Variants in SNX24 observed in about 807,000 individuals in gnomAD.
The protein encoded by SNX24 is sorting nexin-24.
Under a neutral mutation model 28.7 loss-of-function variants are expected in SNX24, and 22 were observed. The ratio of observed to expected loss-of-function variants is 0.77; its 90% CI spans 0.55 to 1.10. The LOEUF (loss-of-function observed/expected upper bound fraction) is 1.10. SNX24 is among the 50% of genes least tolerant of loss of function. The pLI, the probability that SNX24 is intolerant of heterozygous loss-of-function variation, is 0.00. For synonymous variants in SNX24, 69 were observed against 71.5 expected (o/e 0.96, Z 0.18); for missense variants, 221 against 201.1 (o/e 1.10, Z -0.60).
At chr5:122,884,446 C>T (rs1355130334) in intron 1 of SNX24, among the ~76,000 whole-genome samples, 5 of 151,760 alleles carry the variant, frequency 3.3e-5, no homozygotes, top group Non-Finnish European at 5.9e-5. Flanking sequence ...GGGGTTTCAC[C>T]ATGCTGGCCA....
rs757227505 is a variant in SNX24 at position 122,951,284 on chromosome 5, A to G, written c.249+5125A>G. Among the ~76,000 whole-genome samples the G allele has an allele frequency of 1.7e-4, 23 of 132,420 alleles. 1 individual carries two copies. Among genetic ancestry groups the G allele is most frequent in the South Asian group, 1.1e-3 (5 of 4,458 alleles). 86.9% of individuals were successfully genotyped at this position (132,420 alleles called of 152,430 possible). On this transcript the variant is annotated intron_variant, in intron 3 of 6. Coordinates refer to ENST00000261369, the MANE Select transcript of SNX24 (RefSeq NM_014035.4). ...TCTGTCTCAAAAAAAAAAAAAAAAG[A>G]AAAAGAAAAGAAAATTTAAAGTCAT...
intron 3 of SNX24, among the ~76,000 whole-genome samples, chr5:122,973,049 C>T (rs1236839314): frequency 2.0e-5 from 3 of 152,200 alleles, no homozygotes; most frequent in East Asian, 1.9e-4. Flanking sequence ...GTCCACAGAA[C>T]GAGTCATCCT....
intron 1 of SNX24, among the ~76,000 whole-genome samples, chr5:122,925,110 C>T (rs1581755568): frequency 1.4e-5 from 2 of 141,074 alleles, no homozygotes; most frequent in East Asian, 4.4e-4. Context: ...CTCTCTCTTC[C>T]CTTCCCCTTT....
intron 1 of SNX24, among the ~76,000 whole-genome samples, chr5:122,913,522 G>A (rs1337254317): frequency 5.3e-5 from 8 of 151,888 alleles, no homozygotes; most frequent in Admixed American, 2.6e-4. Context: ...GCTGCCTGGC[G>A]GAGGGGCTCC....
At chr5:122,881,336 G>T (rs1332733916) in intron 1 of SNX24, among the ~76,000 whole-genome samples, 1 of 152,116 alleles carries the variant, frequency 6.6e-6, no homozygotes, top group Non-Finnish European at 1.5e-5. Flanking sequence ...TCAACTTTCA[G>T]AAGTGACAGC....
intron 3 of SNX24, among the ~76,000 whole-genome samples, chr5:122,962,826 T>C (rs377210200): frequency 1.6e-4 from 24 of 152,324 alleles, no homozygotes; most frequent in African/African-American, 5.1e-4. Flanking sequence ...AATTATACAA[T>C]ATTGACCACC....
At chr5:122,858,604 T>C (rs1755313637) in intron 1 of SNX24, among the ~76,000 whole-genome samples, 1 of 152,222 alleles carries the variant, frequency 6.6e-6, no homozygotes, top group African/African-American at 2.4e-5. Context: ...TTCCCATCCA[T>C]AGGGACTGTG....
intron 1 of SNX24, among the ~76,000 whole-genome samples, chr5:122,910,675 G>A (rs1431381746): frequency 2.3e-5 from 3 of 131,644 alleles, no homozygotes; most frequent in Non-Finnish European, 4.6e-5. Flanking sequence ...GTGTCCATGT[G>A]TTCTCATTGT....
At chr5:122,972,626 G>A (rs1483333742) in intron 3 of SNX24, among the ~76,000 whole-genome samples, 1 of 152,196 alleles carries the variant, frequency 6.6e-6, no homozygotes, top group African/African-American at 2.4e-5. Context: ...TTGATCAGAG[G>A]CAGTGCTGTG....
At chr5:122,944,740 A>G (rs1157972317) in intron 2 of SNX24, among the ~76,000 whole-genome samples, 1 of 152,200 alleles carries the variant, frequency 6.6e-6, no homozygotes, top group Non-Finnish European at 1.5e-5. Context: ...CGTGATGTAC[A>G]ACAAATTTCA....
chr5:122,980,320 G>T (rs912727675), intron 3 of SNX24, among the ~76,000 whole-genome samples: 1 of 152,098 alleles, frequency 6.6e-6, no homozygotes, highest in South Asian at 2.1e-4. Context: ...ACAAATAATT[G>T]TTTTAAAAGC....
intron 3 of SNX24, among the ~76,000 whole-genome samples, chr5:122,951,618 A>G (rs1374932027): frequency 6.6e-6 from 1 of 152,232 alleles, no homozygotes; most frequent in African/African-American, 2.4e-5. Context: ...CTCCACTGAA[A>G]TGAAAGTACA....
At chr5:122,980,954 G>C (rs1561690053) in intron 3 of SNX24, among the ~76,000 whole-genome samples, 1 of 152,140 alleles carries the variant, frequency 6.6e-6, no homozygotes, top group East Asian at 1.9e-4. Context: ...ATACAAATGA[G>C]AGCTGTGTCC....
intron 5 of SNX24, chr5:123,028,859 C>T: frequency 6.2e-7 from 1 of 1,606,534 alleles, no homozygotes; most frequent in Non-Finnish European, 8.5e-7. Context: ...CCTTTATATC[C>T]ATATCCTTTC....
intron 3 of SNX24, among the ~76,000 whole-genome samples, chr5:122,950,709 C>A (rs59287925): frequency 0.018 from 2,722 of 152,204 alleles, 77 homozygotes; most frequent in African/African-American, 0.062. Flanking sequence ...GCCAACCATC[C>A]CACTGAGTTA....
chr5:123,002,000 C>T lies in SNX24; in HGVS notation c.438C>T (p.Ala146=), dbSNP rs1424665668. 6.2e-7 allele frequency: 1 copy of T among 1,613,400 alleles called. No homozygotes were observed. Among genetic ancestry groups the T allele is most frequent in the Non-Finnish European group, 8.5e-7 (1 of 1,179,366 alleles). ...GGGATCCATATGTCTTGCCTGCAGCCAGCGGTAATCAAACCTGTCATCTGC... is the reference window on the plus strand; with the variant it reads ...GGGATCCATATGTCTTGCCTGCAGCTAGCGGTAATCAAACCTGTCATCTGC... The part of the protein sequence containing the change: ...FLRDPYVLPA[A]SDFPNVVIEG... The change falls in exon 6 of 7, where the codon GCC becomes GCT. Residue 146 remains alanine, a synonymous_variant. Transcript: ENST00000261369.
chr5:122,906,894 G>A (rs997532439), intron 1 of SNX24, among the ~76,000 whole-genome samples: 5 of 152,200 alleles, frequency 3.3e-5, no homozygotes, highest in Non-Finnish European at 7.3e-5. Flanking sequence ...GACAGGGGCA[G>A]GATTCGAGCC....
chr5:122,852,139 T>C (rs1023115344), intron 1 of SNX24, among the ~76,000 whole-genome samples: 4 of 150,896 alleles, frequency 2.7e-5, no homozygotes, highest in African/African-American at 9.7e-5. Context: ...TATATATATG[T>C]ATATATTTCT....
At chr5:122,906,457 G>T (rs962177671) in intron 1 of SNX24, among the ~76,000 whole-genome samples, 1 of 152,216 alleles carries the variant, frequency 6.6e-6, no homozygotes, top group Non-Finnish European at 1.5e-5. Context: ...AACTTGACAT[G>T]CATAATCTCA....
Sources: gnomAD v4.1 joint callset for allele counts (sites outside exome capture counted in the v4.1 genomes callset) on GRCh38, gnomAD v4.1.1 for gene constraint, MANE v1.5 for transcripts, NCBI Gene and HGNC (gene_info 2026-07-23, HGNC 2026-07-21) for gene names.